Variants in FABP3 observed in about 807,000 individuals in gnomAD.
FABP3 encodes the protein fatty acid binding protein 3.
In FABP3, 8 loss-of-function variants were observed where a neutral mutation model predicts 13.4. The ratio of observed to expected loss-of-function variants is 0.60; its 90% CI spans 0.35 to 1.07. FABP3 has a LOEUF of 1.07. Among genes scored for constraint, FABP3 ranks in the 50% least tolerant of loss-of-function variants. The probability of loss-of-function intolerance (pLI) is 0.02; values close to 1 mark genes in which losing one functional copy is unlikely to be tolerated. For missense variants in FABP3, 135 were observed against 164.7 expected, an observed-to-expected ratio of 0.82 and a Z score of 0.99; for synonymous variants, 64 against 60.0, an observed-to-expected ratio of 1.07 and a Z score of -0.31.
At chr1:31,362,501 G>T (rs1569956219), downstream of FABP3, among the ~76,000 whole-genome samples, 1 of 152,148 alleles carries the variant, frequency 6.6e-6, no homozygotes, top group African/African-American at 2.4e-5. Context: ...CTCGTCTTTT[G>T]TATGGGTTTG....
At chr1:31,364,259 G>A (rs1640047117), downstream of FABP3, 3 of 1,540,812 alleles carry the variant, frequency 1.9e-6, no homozygotes, top group African/African-American at 2.8e-5. Flanking sequence ...TGAGACTCCT[G>A]GAAAGACTCA....
At chr1:31,369,244 G>A (rs1372335512) in intron 2 of FABP3, 141 bp downstream of exon 2, 2 of 898,124 alleles carry the variant, frequency 2.2e-6, no homozygotes, top group Non-Finnish European at 3.5e-6. Context: ...GCACTACACA[G>A]GCTTTATGAA....
At position 31,367,286 on chromosome 1, in the gene FABP3, C is replaced by G. The variant is rs2148494298; in HGVS notation, c.348+107G>C. On this transcript the variant is annotated intron_variant, in intron 3 of 3. Coordinates refer to ENST00000373713, the MANE Select transcript of FABP3 (RefSeq NM_004102.5). ...CCTGACCCACAACCACTCTCTTGTC[C>G]CAGCTTCTACAGCTCTCAGGGGAGG... 4.4e-6 allele frequency: 4 copies of G among 915,694 alleles called. No individual in the cohort carries two copies. The East Asian group carries it at 9.6e-5, about 22-fold the overall frequency. 56.7% of individuals were successfully genotyped at this position (915,694 alleles called of 1,614,324 possible). A position where few individuals can be genotyped will look rare whatever the true frequency, so the allele number is the denominator to read the frequency against.
At position 31,369,502 on chromosome 1, in the gene FABP3, G is replaced by A. The variant is rs146114949; in HGVS notation, c.129C>T (p.Ile43=). The change falls in exon 2 of 4, where the codon ATC becomes ATT. Residue 43 remains isoleucine (I), a synonymous_variant. Transcript: ENST00000373713. ...VASMTKPTTI[I]EKNGDILTLK... is the part of the protein sequence containing the mutation. ...GGGTGAGAATGTCCCCATTCTTTTC[G>A]ATGATTGTGGTAGGCTTGGTCATGC... 20 of 1,614,002 alleles carry A rather than the reference G, an allele frequency of 1.2e-5. No homozygotes were observed. Among genetic ancestry groups the A allele is most frequent in the African/African-American group, 9.3e-5 (7 of 74,912 alleles).
chr1:31,369,327 C>A (rs538884438), intron 2 of FABP3, 58 bp downstream of exon 2: 1 of 1,569,178 alleles, frequency 6.4e-7, no homozygotes, highest in African/African-American at 1.3e-5. Context: ...GACTACCAGC[C>A]TATTCTCTTT....
chr1:31,367,763 G>C (rs565250868), intron 2 of FABP3, among the ~76,000 whole-genome samples: 86 of 152,340 alleles, frequency 5.6e-4, no homozygotes, highest in African/African-American at 2.0e-3. Flanking sequence ...GAGCCAGAGA[G>C]CCTGGCTCTG....
chr1:31,363,941 G>A (rs1640029955), downstream of FABP3: 1 of 1,521,978 alleles, frequency 6.6e-7, no homozygotes, highest in Non-Finnish European at 8.8e-7. Context: ...AGGATTACAG[G>A]TGTGAGCCAC....
At chr1:31,367,720 T>C (rs1418340084) in intron 2 of FABP3, among the ~76,000 whole-genome samples, 2 of 152,182 alleles carry the variant, frequency 1.3e-5, no homozygotes, top group Non-Finnish European at 2.9e-5. Context: ...CCTTCAGATA[T>C]TAGGCAAGGA....
At chr1:31,359,658 T>C in the FABP3 span, among the ~76,000 whole-genome samples, 2 of 152,212 alleles carry the variant, frequency 1.3e-5, no homozygotes, top group African/African-American at 4.8e-5. Context: ...GTTTCAGAAC[T>C]ATAGTGAAAA....
chr1:31,364,506 C>G (rs1179827618), downstream of FABP3: 9 of 352,330 alleles, frequency 2.6e-5, no homozygotes, highest in Admixed American at 4.2e-5. Flanking sequence ...ACTGCCAGAG[C>G]TGGATTCCTG....
At chr1:31,363,863 A>G (rs955870548), downstream of FABP3, among the ~76,000 whole-genome samples, 17 of 152,090 alleles carry the variant, frequency 1.1e-4, no homozygotes, top group African/African-American at 3.9e-4. Context: ...AGATCTTGCT[A>G]TGTTAGCCAG....
chr1:31,363,680 G>C (rs1004420615), downstream of FABP3, among the ~76,000 whole-genome samples: 24 of 152,278 alleles, frequency 1.6e-4, no homozygotes, highest in African/African-American at 5.8e-4. Flanking sequence ...TACTTGGGAG[G>C]CTGAGGTGGG....
At chr1:31,362,980 T>A (rs1639974106), downstream of FABP3, among the ~76,000 whole-genome samples, 12 of 152,140 alleles carry the variant, frequency 7.9e-5, no homozygotes, top group Admixed American at 7.9e-4. Flanking sequence ...TTCAGTGTTC[T>A]CTGTGTATAC....
chr1:31,361,350 T>A (rs575287102), downstream of FABP3, among the ~76,000 whole-genome samples: 1 of 152,226 alleles, frequency 6.6e-6, no homozygotes, highest in Admixed American at 6.5e-5. Context: ...GAAAAATACA[T>A]ATAGCTCCCA....
At position 31,366,290 on chromosome 1, in the gene FABP3, T is replaced by C. The variant is rs541721476; in HGVS notation, c.349-351A>G. On this transcript the variant is annotated intron_variant, in intron 3 of 3. Transcript: ENST00000373713. Reference sequence around the variant, plus strand: ...TTAGTGTCTAAGATGGTGCCTGGCATATAGTTGACAAATAGGAAAAATATC... The same window carrying C: ...TTAGTGTCTAAGATGGTGCCTGGCACATAGTTGACAAATAGGAAAAATATC... 7.9e-5 allele frequency among the ~76,000 whole-genome samples: 12 copies of C among 152,196 alleles called. No individual in the cohort carries two copies. The South Asian group carries it at 2.1e-3, about 26-fold the overall frequency.
At chr1:31,366,142 TTAAGA>T (rs1425754934) in intron 3 of FABP3, among the ~76,000 whole-genome samples, 1 of 151,836 alleles carries the variant, frequency 6.6e-6, no homozygotes, top group African/African-American at 2.4e-5. Flanking sequence ...CAGCAAATCC[TTAAGA>T]TAGGCATTGT....
downstream of FABP3, among the ~76,000 whole-genome samples, chr1:31,361,043 A>G (rs372298964): frequency 4.6e-5 from 7 of 152,294 alleles, no homozygotes; most frequent in East Asian, 1.9e-4. Flanking sequence ...ATTCACCTAT[A>G]TAAGGGGCAG....
At chr1:31,371,798 C>T (rs1640214145) in intron 1 of FABP3, among the ~76,000 whole-genome samples, 1 of 152,324 alleles carries the variant, frequency 6.6e-6, no homozygotes, top group Middle Eastern at 3.4e-3. Context: ...GGGCATAGCG[C>T]CCAAGATAGG....
downstream of FABP3, among the ~76,000 whole-genome samples, chr1:31,362,132 A>G (rs1639930276): frequency 6.6e-6 from 1 of 152,124 alleles, no homozygotes. Flanking sequence ...TCTTATCTCC[A>G]GTTTACATTT....
Sources: allele counts gnomAD v4.1 joint callset (sites outside exome capture counted in the v4.1 genomes callset), GRCh38; gene constraint gnomAD v4.1.1; transcripts MANE v1.5; gene names NCBI Gene and HGNC (gene_info 2026-07-23, HGNC 2026-07-21).